Variants in NRXN1 observed in about 807,000 individuals in gnomAD.
The protein encoded by NRXN1 is neurexin-1.
Under a neutral mutation model 150.9 loss-of-function variants are expected in NRXN1, and 39 were observed. The ratio of observed to expected loss-of-function variants is 0.26; its 90% confidence interval spans 0.20 to 0.34. The LOEUF (loss-of-function observed/expected upper bound fraction) is 0.34, where lower values mean the gene tolerates loss of function less well. NRXN1 is among the 10% of genes least tolerant of loss of function. The pLI is 1.00. For synonymous variants in NRXN1, 924 were observed against 757.0 expected (o/e 1.22, Z -3.62); for missense variants, 1,815 against 1,949.9 (o/e 0.93, Z 1.30).
chr2:50,115,023 G>T (rs1487552667), intron 18 of NRXN1, among the ~76,000 whole-genome samples: 1 of 151,774 alleles, frequency 6.6e-6, no homozygotes, highest in African/African-American at 2.4e-5. Context: ...GTGTGATAAT[G>T]ATGCACCAAT....
Position 50,552,801 on chromosome 2 carries a change from G to T in NRXN1, c.1545C>A (p.Gly515=). 1 of 1,613,952 alleles carries T rather than the reference G, an allele frequency of 6.2e-7. No individual in the cohort carries two copies. The highest frequency in any genetic ancestry group is 1.1e-5 in the South Asian group (1 of 91,084). ...GCTTGCCATGGCTAAATAAGATGAGGCCATTTGGCTCTGTTGTACGGAAAT... is the reference window on the plus strand; with the variant it reads ...GCTTGCCATGGCTAAATAAGATGAGTCCATTTGGCTCTGTTGTACGGAAAT... The part of the protein sequence containing the change: ...SFDFRTTEPN[G]LILFSHGKPR... The change falls in exon 9 of 23, where the codon GGC becomes GGA. Residue 515 remains glycine, a synonymous_variant. Transcript: ENST00000401669.
At chr2:50,221,405 A>G (rs1044465562) in intron 18 of NRXN1, among the ~76,000 whole-genome samples, 3 of 152,040 alleles carry the variant, frequency 2.0e-5, no homozygotes, top group Non-Finnish European at 4.4e-5. Flanking sequence ...CAGCCACGGC[A>G]TTAACAAATA....
chr2:50,336,918 G>T lies in NRXN1; in HGVS notation c.3365-99948C>A, dbSNP rs144748045. Among the ~76,000 whole-genome samples the T allele has an allele frequency of 2.2e-3, 328 of 152,170 alleles. 2 individuals carry two copies. The highest frequency in any genetic ancestry group is 7.5e-3 in the African/African-American group (312 of 41,530). On this transcript the variant is annotated intron_variant, in intron 17 of 22. Coordinates refer to ENST00000401669, the MANE Select transcript of NRXN1 (RefSeq NM_001330078.2). Reference sequence around the variant, plus strand: ...CATTAAACCTTCAGAGAAATGACTTGTTGGAAATTAGACAAAGTAAATCCA... The same window carrying T: ...CATTAAACCTTCAGAGAAATGACTTTTTGGAAATTAGACAAAGTAAATCCA...
At position 50,726,613 on chromosome 2, in the gene NRXN1, T is replaced by C. The variant is rs1022225519; in HGVS notation, c.833-102998A>G. Among the ~76,000 whole-genome samples the C allele has an allele frequency of 2.6e-4, 39 of 152,172 alleles. 1 individual carries two copies. The highest frequency in any genetic ancestry group is 9.4e-4 in the African/African-American group (39 of 41,442). On this transcript the variant is annotated intron_variant, in intron 5 of 22. Coordinates refer to ENST00000401669, the MANE Select transcript of NRXN1 (RefSeq NM_001330078.2). ...TTCCTCATTTTATATTTGAGAAAACTGAGTCACAGAAAGGCAAAACAATTT... is the reference window on the plus strand; with the variant it reads ...TTCCTCATTTTATATTTGAGAAAACCGAGTCACAGAAAGGCAAAACAATTT...
intron 2 of NRXN1, among the ~76,000 whole-genome samples, chr2:50,950,129 G>C (rs191517015): frequency 6.7e-4 from 102 of 152,124 alleles, no homozygotes; most frequent in African/African-American, 2.3e-3. Flanking sequence ...TTTTCCACTT[G>C]TTTCTTTTTT....
At chr2:50,862,043 A>T (rs996229379) in intron 5 of NRXN1, among the ~76,000 whole-genome samples, 1 of 151,878 alleles carries the variant, frequency 6.6e-6, no homozygotes, top group East Asian at 2.0e-4. Context: ...CTCCACTAAA[A>T]ATAAAAAAAT....
At chr2:50,150,990 A>G (rs2058663926) in intron 18 of NRXN1, among the ~76,000 whole-genome samples, 1 of 151,752 alleles carries the variant, frequency 6.6e-6, no homozygotes, top group Non-Finnish European at 1.5e-5. Flanking sequence ...GGTATCTTCA[A>G]AAAACTCAGA....
intron 2 of NRXN1, among the ~76,000 whole-genome samples, chr2:50,947,691 G>A (rs927921288): frequency 6.6e-6 from 1 of 151,930 alleles, no homozygotes; most frequent in African/African-American, 2.4e-5. Context: ...TTCCCTTACA[G>A]AGGAATAGGG....
chr2:50,012,635 G>T (rs1462591496), intron 21 of NRXN1, among the ~76,000 whole-genome samples: 2 of 152,092 alleles, frequency 1.3e-5, no homozygotes, highest in East Asian at 3.9e-4. Context: ...GTCTCATATG[G>T]CTCTTGCCAT....
chr2:50,714,427 T>G (rs1216526059), intron 5 of NRXN1, among the ~76,000 whole-genome samples: 1 of 152,102 alleles, frequency 6.6e-6, no homozygotes, highest in Non-Finnish European at 1.5e-5. Flanking sequence ...GCTAGGTTGG[T>G]GCATGTCCAA....
At chr2:50,560,905 A>G (rs924370303) in intron 8 of NRXN1, among the ~76,000 whole-genome samples, 34 of 152,344 alleles carry the variant, frequency 2.2e-4, no homozygotes, top group African/African-American at 6.5e-4. Flanking sequence ...AACCTGTTAT[A>G]AAATGGAAAT....
At chr2:50,887,663 T>C (rs564470776) in intron 5 of NRXN1, among the ~76,000 whole-genome samples, 9 of 151,462 alleles carry the variant, frequency 5.9e-5, no homozygotes, top group African/African-American at 1.9e-4. Flanking sequence ...ATCCTTGAGC[T>C]TGCCATTTGG....
At chr2:50,909,716 G>A (rs919109527) in intron 5 of NRXN1, among the ~76,000 whole-genome samples, 1 of 151,876 alleles carries the variant, frequency 6.6e-6, no homozygotes, top group East Asian at 1.9e-4. Flanking sequence ...CACCCAAAAA[G>A]GGAGCTGAAG....
At chr2:50,027,272 C>G (rs2152564772) in intron 21 of NRXN1, among the ~76,000 whole-genome samples, 1 of 151,730 alleles carries the variant, frequency 6.6e-6, no homozygotes, top group African/African-American at 2.4e-5. Context: ...TCCTTCCTTC[C>G]TTCCTTCCTC....
chr2:50,046,354 G>C (rs1305627196), intron 21 of NRXN1, among the ~76,000 whole-genome samples: 1 of 152,102 alleles, frequency 6.6e-6, no homozygotes, highest in African/African-American at 2.4e-5. Context: ...AGAGAATTCA[G>C]CTTGGTACAT....
At chr2:50,613,015 CTGGGCCT>C (rs1450581470) in intron 8 of NRXN1, among the ~76,000 whole-genome samples, 1 of 152,128 alleles carries the variant, frequency 6.6e-6, no homozygotes, top group Non-Finnish European at 1.5e-5. Context: ...AGAAACTAGG[CTGGGCCT>C]ATAACAAACT....
intron 17 of NRXN1, among the ~76,000 whole-genome samples, chr2:50,405,177 T>A (rs1185812699): frequency 6.6e-6 from 1 of 152,152 alleles, no homozygotes. Context: ...TCTCATGCTT[T>A]CATTTAAAGT....
At chr2:50,667,536 G>C (rs892384425) in intron 5 of NRXN1, among the ~76,000 whole-genome samples, 1 of 151,960 alleles carries the variant, frequency 6.6e-6, no homozygotes, top group Non-Finnish European at 1.5e-5. Context: ...TAATGACCAG[G>C]ATAGAATGTA....
intron 17 of NRXN1, among the ~76,000 whole-genome samples, chr2:50,250,432 AAT>A (rs1039384068): frequency 1.6e-5 from 2 of 122,108 alleles, no homozygotes; most frequent in African/African-American, 6.3e-5. Flanking sequence ...GTCACTTTTT[AAT>A]ATTTTTTTTT....
Sources: allele counts gnomAD v4.1 joint callset (sites outside exome capture counted in the v4.1 genomes callset), GRCh38; gene constraint gnomAD v4.1.1; transcripts MANE v1.5; gene names NCBI Gene and HGNC (gene_info 2026-07-23, HGNC 2026-07-21).